AKT3: variants seen among roughly 807,000 people sequenced by gnomAD.
AKT3 encodes AKT serine/threonine kinase 3, also known as RAC-gamma serine/threonine-protein kinase.
In AKT3, 15 loss-of-function variants were observed where a neutral mutation model predicts 65.3. The ratio of observed to expected loss-of-function variants is 0.23; its 90% CI spans 0.15 to 0.35. The LOEUF is 0.35. AKT3 is among the 10% of genes least tolerant of loss of function. The pLI is 1.00. For missense variants in AKT3, 243 were observed against 576.5 expected (o/e 0.42, Z 5.92); for synonymous variants, 206 against 183.8 (o/e 1.12, Z -0.98).
At chr1:243,700,047 C>A (rs1685347779) in intron 2 of AKT3, among the ~76,000 whole-genome samples, 1 of 152,036 alleles carries the variant, frequency 6.6e-6, no homozygotes, top group Admixed American at 6.6e-5. Flanking sequence ...AGAATTGTGG[C>A]AGAATAAATT....
chr1:243,820,128 C>G (rs1448740072), intron 2 of AKT3, among the ~76,000 whole-genome samples: 1 of 152,048 alleles, frequency 6.6e-6, no homozygotes, highest in Non-Finnish European at 1.5e-5. Context: ...ACTGTGTTAG[C>G]CAGGATGGTC....
At chr1:243,808,762 G>A (rs979547496) in intron 2 of AKT3, among the ~76,000 whole-genome samples, 1 of 152,194 alleles carries the variant, frequency 6.6e-6, no homozygotes, top group Non-Finnish European at 1.5e-5. Flanking sequence ...AGGGAAAAAT[G>A]TTAAGGGCAG....
intron 3 of AKT3, among the ~76,000 whole-genome samples, chr1:243,679,037 C>A (rs1472987099): frequency 6.6e-6 from 1 of 152,106 alleles, no homozygotes; most frequent in Non-Finnish European, 1.5e-5. Context: ...GCCTACTCAA[C>A]AAGAAGACAA....
intron 2 of AKT3, among the ~76,000 whole-genome samples, chr1:243,809,821 A>C (rs989032986): frequency 3.9e-5 from 6 of 152,356 alleles, no homozygotes; most frequent in African/African-American, 1.4e-4. Context: ...AACAGAAATT[A>C]TAACAAACTG....
intron 2 of AKT3, among the ~76,000 whole-genome samples, chr1:243,795,483 T>TG (rs1436806715): frequency 1.5e-5 from 2 of 136,670 alleles, no homozygotes; most frequent in Non-Finnish European, 3.2e-5. Context: ...TTGGTTTTTT[T>TG]TTTTTTGAGA....
chr1:243,778,988 G>T (rs928858729), intron 2 of AKT3, among the ~76,000 whole-genome samples: 5 of 150,364 alleles, frequency 3.3e-5, no homozygotes, highest in Admixed American at 1.3e-4. Flanking sequence ...ATATTCCATT[G>T]TATTGCTGTA....
chr1:243,568,410 ATC>A (rs1185690958), intron 9 of AKT3, among the ~76,000 whole-genome samples: 2 of 152,034 alleles, frequency 1.3e-5, no homozygotes, highest in Non-Finnish European at 2.9e-5. Context: ...GAGGGTTGTT[ATC>A]TAAAAGGTCA....
At chr1:243,850,596 G>A (rs1572454196), upstream of AKT3, among the ~76,000 whole-genome samples, 1 of 150,682 alleles carries the variant, frequency 6.6e-6, no homozygotes, top group South Asian at 2.1e-4. Flanking sequence ...ATCGGTTCTC[G>A]CCGTCGCCGC....
At chr1:243,810,238 A>T (rs1480030041) in intron 2 of AKT3, among the ~76,000 whole-genome samples, 2 of 152,094 alleles carry the variant, frequency 1.3e-5, no homozygotes, top group Non-Finnish European at 2.9e-5. Flanking sequence ...AATCCAGGAG[A>T]TGGTTTTTTG....
At chr1:243,644,284 G>T (rs184229415) in intron 5 of AKT3, among the ~76,000 whole-genome samples, 1 of 152,108 alleles carries the variant, frequency 6.6e-6, no homozygotes, top group East Asian at 1.9e-4. Context: ...GTCCTTATAT[G>T]ACATTTGGAT....
chr1:243,560,623 T>G (rs1026262069), intron 10 of AKT3, among the ~76,000 whole-genome samples: 1 of 152,150 alleles, frequency 6.6e-6, no homozygotes, highest in Non-Finnish European at 1.5e-5. Context: ...AAACTGTTTT[T>G]AAAGACCAGA....
intron 7 of AKT3, 56 bp from the exon 8 acceptor site, chr1:243,613,795 T>C: frequency 2.7e-6 from 3 of 1,098,764 alleles, no homozygotes; most frequent in South Asian, 1.7e-5. Context: ...CTTATAATTA[T>C]AATAGTACTA....
chr1:243,595,544 T>C (rs930555717), intron 8 of AKT3, among the ~76,000 whole-genome samples: 1 of 152,236 alleles, frequency 6.6e-6, no homozygotes, highest in African/African-American at 2.4e-5. Context: ...GTTTAAAATA[T>C]GAACACATTG....
intron 4 of AKT3, among the ~76,000 whole-genome samples, chr1:243,661,153 A>G (rs1682290763): frequency 6.6e-6 from 1 of 152,234 alleles, no homozygotes; most frequent in Non-Finnish European, 1.5e-5. Context: ...TACAGATTCA[A>G]TGCCATCCCC....
chr1:243,580,593 A>G (rs1219043522), intron 8 of AKT3, among the ~76,000 whole-genome samples: 1 of 152,172 alleles, frequency 6.6e-6, no homozygotes, highest in Admixed American at 6.5e-5. Context: ...AAGTACCCCA[A>G]CAACAGGGCT....
At chr1:243,704,933 T>C (rs1685699117) in intron 2 of AKT3, among the ~76,000 whole-genome samples, 1 of 152,182 alleles carries the variant, frequency 6.6e-6, no homozygotes, top group Admixed American at 6.5e-5. Flanking sequence ...GATGTTTGTC[T>C]GCTCTTGGAC....
chr1:243,593,797 C>T (rs1469897786), intron 8 of AKT3, among the ~76,000 whole-genome samples: 2 of 152,062 alleles, frequency 1.3e-5, no homozygotes, highest in African/African-American at 2.4e-5. Context: ...AGAACTTAAC[C>T]TAATAAAAGG....
At chr1:243,712,783 C>T (rs1234002945) in intron 2 of AKT3, among the ~76,000 whole-genome samples, 2 of 152,110 alleles carry the variant, frequency 1.3e-5, no homozygotes, top group Non-Finnish European at 2.9e-5. Context: ...AGTAAACATG[C>T]TCACTTCCAT....
intron 8 of AKT3, among the ~76,000 whole-genome samples, chr1:243,602,813 G>T (rs1035403782): frequency 6.6e-6 from 1 of 152,220 alleles, no homozygotes; most frequent in Non-Finnish European, 1.5e-5. Flanking sequence ...GAAAATAGAG[G>T]AATGTGAAGA....
Sources: allele counts gnomAD v4.1 joint callset (sites outside exome capture counted in the v4.1 genomes callset), GRCh38; gene constraint gnomAD v4.1.1; transcripts MANE v1.5; gene names NCBI Gene and HGNC (gene_info 2026-07-23, HGNC 2026-07-21).